MBD5: variants seen among roughly 807,000 people sequenced by gnomAD.
The protein encoded by MBD5 is methyl-CpG binding domain protein 5.
A neutral mutation model predicts 117.3 loss-of-function variants in MBD5; 13 were observed. That is an observed-to-expected ratio of 0.11 (90% CI 0.07 to 0.18). The LOEUF is 0.18. Among genes scored for constraint, MBD5 ranks in the 10% least tolerant of loss-of-function variants. The pLI, the probability that MBD5 is intolerant of heterozygous loss-of-function variation, is 1.00. For missense variants in MBD5, 1,879 were observed against 2,093.8 expected (o/e 0.90, Z 2.00); for synonymous variants, 727 against 766.4 (o/e 0.95, Z 0.85).
At chr2:148,505,047 C>A (rs1029733516) in intron 12 of MBD5, among the ~76,000 whole-genome samples, 2 of 151,964 alleles carry the variant, frequency 1.3e-5, no homozygotes, top group Non-Finnish European at 2.9e-5. Flanking sequence ...GAACGAGGAC[C>A]CAAACCAGGA....
intron 1 of MBD5, among the ~76,000 whole-genome samples, chr2:148,095,339 T>G (rs559827872): frequency 2.0e-5 from 3 of 152,178 alleles, no homozygotes; most frequent in Non-Finnish European, 4.4e-5. Context: ...CTTTGTGATA[T>G]TTCTACATTA....
intron 1 of MBD5, among the ~76,000 whole-genome samples, chr2:148,090,133 C>T (rs1558921234): frequency 6.6e-6 from 1 of 151,828 alleles, no homozygotes; most frequent in Non-Finnish European, 1.5e-5. Context: ...TAGATTAAAT[C>T]AGGAAGAAGT....
Position 148,397,653 on chromosome 2 carries a change from A to T in MBD5, c.-557+55317A>T, listed in dbSNP as rs954954562. On this transcript the variant is annotated intron_variant, in intron 4 of 13. Transcript: ENST00000642680. ...CTGATCCTTATATTTTATTTATTTT[A>T]TTTTATTTTTTATTATACTTTAACT... 5.3e-4 allele frequency among the ~76,000 whole-genome samples: 81 copies of T among 151,720 alleles called. 1 individual carries two copies. The highest frequency in any genetic ancestry group is 1.8e-3 in the African/African-American group (75 of 41,424).
chr2:148,301,618 C>G (rs144687847), intron 3 of MBD5, among the ~76,000 whole-genome samples: 169 of 152,258 alleles, frequency 1.1e-3, no homozygotes, highest in Middle Eastern at 6.8e-3. Context: ...TATATCTTGG[C>G]ATGTTTCTAG....
chr2:148,515,080 A>G lies in MBD5; in HGVS notation c.*2139A>G, dbSNP rs953617748. The G allele has an allele frequency of 5.3e-5, 8 of 151,474 alleles. No individual in the cohort carries two copies. Among genetic ancestry groups the G allele is most frequent in the African/African-American group, 1.9e-4 (8 of 41,186 alleles). 9.4% of individuals were successfully genotyped at this position (151,474 alleles called of 1,614,324 possible). A position where few individuals can be genotyped will look rare whatever the true frequency, so the allele number is the denominator to read the frequency against. ...TAGTATGTTTAAACCATTAATGTCC[A>G]TTTTTTTTGCACCAACCTGTTTTTC... On this transcript the variant is annotated 3_prime_UTR_variant, in exon 14 of 14. Coordinates refer to ENST00000642680, the MANE Select transcript of MBD5 (RefSeq NM_001378120.1).
rs1325386955 is a variant in MBD5 at position 148,445,834 on chromosome 2, G to A, written c.-556-12369G>A. Among the ~76,000 whole-genome samples, 3 of 151,468 alleles carry A rather than the reference G, an allele frequency of 2.0e-5. No homozygotes were observed. In the South Asian group the frequency reaches 6.2e-4, roughly 31 times the overall value. On this transcript the variant is annotated intron_variant, in intron 4 of 13. Transcript: ENST00000642680. ...ACTTTAATGGTCGCCATTCTAACTG[G>A]TGTGAGATGGTATCTCACTGTGGTT...
chr2:148,186,222 G>A (rs1380702395), intron 2 of MBD5, among the ~76,000 whole-genome samples: 2 of 152,198 alleles, frequency 1.3e-5, no homozygotes, highest in African/African-American at 4.8e-5. Flanking sequence ...TGCTGTTCTC[G>A]TGATAGTGAA....
chr2:148,186,780 GA>G (rs145093937), intron 2 of MBD5, among the ~76,000 whole-genome samples: 1,921 of 152,186 alleles, frequency 0.013, 46 homozygotes, highest in African/African-American at 0.043. Context: ...TATAAGACAT[GA>G]AAAAGTAGGA....
chr2:148,051,914 T>C (rs1694717359), intron 1 of MBD5, among the ~76,000 whole-genome samples: 1 of 152,062 alleles, frequency 6.6e-6, no homozygotes, highest in Admixed American at 6.5e-5. Context: ...TTAAAGAGCT[T>C]GATAAGGACT....
chr2:148,458,947 T>C (rs1457578098), intron 5 of MBD5, 76 bp downstream of exon 5: 5 of 1,095,924 alleles, frequency 4.6e-6, no homozygotes, highest in Non-Finnish European at 5.6e-6. Context: ...GCATGGTGAC[T>C]GATGGCACCT....
At chr2:148,146,306 C>T (rs1194144274) in intron 1 of MBD5, among the ~76,000 whole-genome samples, 1 of 152,068 alleles carries the variant, frequency 6.6e-6, no homozygotes, top group East Asian at 1.9e-4. Context: ...TTTGCCCAGG[C>T]TGAAGTACAT....
chr2:148,150,386 C>G (rs1164050087), intron 1 of MBD5, among the ~76,000 whole-genome samples: 1 of 151,668 alleles, frequency 6.6e-6, no homozygotes, highest in African/African-American at 2.4e-5. Context: ...ATGCCTCCAG[C>G]TTTGTTCTTT....
chr2:148,497,368 T>G (rs1376616420), intron 11 of MBD5, among the ~76,000 whole-genome samples: 1 of 152,102 alleles, frequency 6.6e-6, no homozygotes, highest in Non-Finnish European at 1.5e-5. Flanking sequence ...TAATGTAAAC[T>G]TATATGAATA....
At chr2:148,183,353 A>C (rs1321433609) in intron 2 of MBD5, among the ~76,000 whole-genome samples, 2 of 152,116 alleles carry the variant, frequency 1.3e-5, no homozygotes, top group African/African-American at 4.8e-5. Flanking sequence ...AAAAAGAAAA[A>C]GGAGTAAAGA....
intron 3 of MBD5, among the ~76,000 whole-genome samples, chr2:148,328,153 G>T: frequency 6.6e-6 from 1 of 152,182 alleles, no homozygotes; most frequent in Admixed American, 6.5e-5. Flanking sequence ...TAGGCTGCTC[G>T]GGGGTCAGGG....
intron 1 of MBD5, among the ~76,000 whole-genome samples, chr2:148,128,675 A>G (rs770569762): frequency 6.6e-6 from 1 of 152,242 alleles, no homozygotes; most frequent in Non-Finnish European, 1.5e-5. Context: ...TAGTAGTCAC[A>G]TGTACAATAT....
intron 3 of MBD5, among the ~76,000 whole-genome samples, chr2:148,273,249 A>G (rs148598966): frequency 1.7e-3 from 261 of 152,264 alleles, no homozygotes; most frequent in Middle Eastern, 0.01. Context: ...TTTAGTTTAC[A>G]GTTTAACTTT....
chr2:148,356,665 A>G (rs935112029), intron 4 of MBD5, among the ~76,000 whole-genome samples: 4 of 152,016 alleles, frequency 2.6e-5, no homozygotes, highest in Non-Finnish European at 5.9e-5. Flanking sequence ...TAGAATTTCT[A>G]ATTCCCTTTT....
chr2:148,437,524 A>C (rs577733624), intron 4 of MBD5, among the ~76,000 whole-genome samples: 8 of 152,218 alleles, frequency 5.3e-5, no homozygotes, highest in Middle Eastern at 3.4e-3. Context: ...AATCTCAAAA[A>C]TATTATTCTG....
Sources: gnomAD v4.1 joint callset for allele counts (sites outside exome capture counted in the v4.1 genomes callset) on GRCh38, gnomAD v4.1.1 for gene constraint, MANE v1.5 for transcripts, NCBI Gene and HGNC (gene_info 2026-07-23, HGNC 2026-07-21) for gene names.